The following KALRN variants were observed in gnomAD, a reference collection of about 807,000 sequenced individuals.
KALRN encodes kalirin.
Under a neutral mutation model 353.7 loss-of-function variants are expected in KALRN, and 70 were observed. The observed-to-expected ratio is 0.20, with a 90% CI of 0.16 to 0.24. The LOEUF is 0.24. Among genes scored for constraint, KALRN ranks in the 10% least tolerant of loss-of-function variants. KALRN has a pLI of 1.00. For missense variants in KALRN, 2,791 were observed against 3,756.7 expected (o/e 0.74, Z 6.72); for synonymous variants, 1,391 against 1,434.8 (o/e 0.97, Z 0.69).
intron 1 of KALRN, among the ~76,000 whole-genome samples, chr3:124,134,910 A>C (rs1037233746): frequency 6.6e-6 from 1 of 152,228 alleles, no homozygotes; most frequent in South Asian, 2.1e-4. Flanking sequence ...ATCAGGGAAC[A>C]CTTCTACACT....
At chr3:124,146,874 CAAAAAAAAAA>C (rs34633708) in intron 1 of KALRN, among the ~76,000 whole-genome samples, 1 of 49,924 alleles carries the variant, frequency 2.0e-5, no homozygotes, top group African/African-American at 7.9e-5. Flanking sequence ...GACTCTGTCT[CAAAAAAAAAA>C]AAAAAAAAAA....
At position 124,439,188 on chromosome 3, in the gene KALRN, T is replaced by TCACACACACACACACACA. The variant is rs1491329331; in HGVS notation, c.3198+152_3198+153insACACACACACACACACAC. ...TTCTCCTCCTCCTCCTTCTTCTCCT[T>TCACACACACACACACACA]CTCTCTCTCTCTCACACACACACAC... is the stretch of plus-strand genomic sequence containing the variant. On this transcript the variant is annotated intron_variant, in intron 18 of 59. Coordinates refer to ENST00000682506, the MANE Select transcript of KALRN (RefSeq NM_001388419.1). 254 of 363,280 alleles carry TCACACACACACACACACA rather than the reference T, an allele frequency of 7.0e-4. 6 individuals carry two copies. The highest frequency in any genetic ancestry group is 4.2e-3 in the East Asian group (71 of 16,948). 22.5% of individuals were successfully genotyped at this position (363,280 alleles called of 1,614,324 possible).
In KALRN at chr3:124,725,692, GA is replaced by G. The variant is rs1204371982; in HGVS notation, c.*6225del. On this transcript the variant is annotated 3_prime_UTR_variant, in exon 60 of 60. Transcript: ENST00000682506. Reference sequence around the variant, plus strand: ...CCACAAAGCCAAACTAACAAAGTGTGAAACATAAAGGGGCCATCATTTAGTT... The same window carrying G: ...CCACAAAGCCAAACTAACAAAGTGTGAACATAAAGGGGCCATCATTTAGTT... 1 of 152,218 alleles carries G rather than the reference GA, an allele frequency of 6.6e-6. No individual in the cohort carries two copies. Among genetic ancestry groups the G allele is most frequent in the East Asian group, 1.9e-4 (1 of 5,200 alleles). 9.4% of individuals were successfully genotyped at this position (152,218 alleles called of 1,614,324 possible). A position where few individuals can be genotyped will look rare whatever the true frequency, so the allele number is the denominator to read the frequency against.
At chr3:124,668,611 A>G (rs2085975475) in intron 47 of KALRN, among the ~76,000 whole-genome samples, 2 of 152,258 alleles carry the variant, frequency 1.3e-5, no homozygotes, top group Non-Finnish European at 2.9e-5. Context: ...GCAATTTTGC[A>G]CTTACAGAAA....
At chr3:124,281,478 G>A (rs1460157761) in intron 5 of KALRN, among the ~76,000 whole-genome samples, 1 of 152,186 alleles carries the variant, frequency 6.6e-6, no homozygotes, top group Non-Finnish European at 1.5e-5. Flanking sequence ...ATCCCTCAGG[G>A]CATTCTCTTC....
chr3:124,227,952 C>A, intron 1 of KALRN, 38 bp from the exon 2 acceptor site: 1 of 1,555,020 alleles, frequency 6.4e-7, no homozygotes, highest in Non-Finnish European at 8.9e-7. Flanking sequence ...CCAGCTGGCT[C>A]CTCTCACCCT....
In KALRN at chr3:124,632,741, G is replaced by A. The variant is rs1256033488; in HGVS notation, c.5466+38G>A. The A allele has an allele frequency of 5.7e-6, 9 of 1,580,132 alleles. No individual in the cohort carries two copies. In the South Asian group the frequency reaches 9.1e-5, roughly 16 times the overall value. ...GGCCCTGGAGTTGTCCATCAGGAGG[G>A]CCTTCTGACATGTCTCCTTCCTCAG... is the stretch of plus-strand genomic sequence containing the variant. On this transcript the variant is annotated intron_variant, in intron 35 of 59. Transcript: ENST00000682506.
rs1196998968 is a variant in KALRN, at chr3:124,678,218, A to G, written c.7222A>G (p.Met2408Val). The G allele has an allele frequency of 1.5e-5, 25 of 1,613,926 alleles. No individual in the cohort carries two copies. Among genetic ancestry groups the G allele is most frequent in the Non-Finnish European group, 2.0e-5 (24 of 1,179,940 alleles). The part of the protein sequence containing the change: ...KKSCSWHTLR[M>V]RKRAEVENTG... ...GTCATGTTCATGGCATACTCTACGC[A>G]TGAGAAAGCGGGCGGAAGTGGAGAA... The change falls in exon 50 of 60, where the codon ATG (methionine) becomes GTG (valine). Residue 2408 changes from methionine to valine, a missense_variant. Met to Val is a conservative substitution (Grantham distance 21). This residue lies in a region of KALRN where 1,065 missense variants were observed against 1,156.4 expected (regional missense o/e 0.92). Coordinates refer to ENST00000682506, the MANE Select transcript of KALRN (RefSeq NM_001388419.1).
At chr3:124,516,249 G>A (rs1350325892) in intron 33 of KALRN, among the ~76,000 whole-genome samples, 1 of 152,128 alleles carries the variant, frequency 6.6e-6, no homozygotes, top group Non-Finnish European at 1.5e-5. Flanking sequence ...CTTTAGAAGA[G>A]GCAACATGTA....
At chr3:124,327,893 C>T (rs931586081) in intron 7 of KALRN, among the ~76,000 whole-genome samples, 8 of 152,184 alleles carry the variant, frequency 5.3e-5, no homozygotes, top group African/African-American at 1.9e-4. Context: ...CCAGCTCCAC[C>T]ATTCATTCAC....
intron 3 of KALRN, among the ~76,000 whole-genome samples, chr3:124,237,865 G>A (rs1031156): frequency 0.16 from 23,829 of 152,028 alleles, 3,057 homozygotes; most frequent in East Asian, 0.56. Context: ...GCATTGTAGC[G>A]TAGGAGATGA....
chr3:124,434,661 G>C, intron 17 of KALRN, 136 bp downstream of exon 17: 1 of 731,546 alleles, frequency 1.4e-6, no homozygotes, highest in East Asian at 2.7e-5. Context: ...AATAGTTTGT[G>C]GAAACACCAC....
intron 33 of KALRN, among the ~76,000 whole-genome samples, chr3:124,555,789 G>A (rs2071173009): frequency 6.6e-6 from 1 of 152,152 alleles, no homozygotes; most frequent in Admixed American, 6.5e-5. Flanking sequence ...TGTGTGCCAG[G>A]CATTGCTCTA....
At chr3:124,144,293 C>G (rs2067005956) in intron 1 of KALRN, among the ~76,000 whole-genome samples, 1 of 152,124 alleles carries the variant, frequency 6.6e-6, no homozygotes, top group Non-Finnish European at 1.5e-5. Flanking sequence ...AGATCAGAAC[C>G]TGGGGCAGCC....
At chr3:124,611,616 A>G (rs930883564) in intron 34 of KALRN, among the ~76,000 whole-genome samples, 1 of 152,214 alleles carries the variant, frequency 6.6e-6, no homozygotes, top group Non-Finnish European at 1.5e-5. Flanking sequence ...AAGATTGTCA[A>G]TGAAAATGAA....
intron 15 of KALRN, among the ~76,000 whole-genome samples, chr3:124,428,686 A>G (rs1305707626): frequency 6.6e-6 from 1 of 152,210 alleles, no homozygotes; most frequent in African/African-American, 2.4e-5. Context: ...ACCTTTTTAA[A>G]CAGCATTTAG....
chr3:124,383,101 G>A (rs2087658884), intron 10 of KALRN, among the ~76,000 whole-genome samples: 1 of 152,118 alleles, frequency 6.6e-6, no homozygotes, highest in South Asian at 2.1e-4. Context: ...TTTTCAACCC[G>A]GTCTCACCAG....
rs1188013423 is a variant in KALRN, at chr3:124,492,736, C to T, written c.4690-4C>T. 2 of 1,613,728 alleles carry T rather than the reference C, an allele frequency of 1.2e-6. No homozygotes were observed. Among genetic ancestry groups the T allele is most frequent in the East Asian group, 2.2e-5 (1 of 44,870 alleles). On this transcript the variant is annotated splice_polypyrimidine_tract_variant and splice_region_variant and intron_variant, in intron 31 of 59. Transcript: ENST00000682506. ...TCTCAGTCTTTCTCCCTGTGGCACT[C>T]TAGGCCTCCAACATTGAAACCAAGC...
chr3:124,480,528 T>C (rs942019618), intron 27 of KALRN, among the ~76,000 whole-genome samples: 6 of 152,228 alleles, frequency 3.9e-5, no homozygotes, highest in African/African-American at 1.4e-4. Context: ...TACTTTAAAA[T>C]AACAGCTTTA....
Sources: gnomAD v4.1 joint callset for allele counts (sites outside exome capture counted in the v4.1 genomes callset) on GRCh38, gnomAD v4.1.1 for gene constraint, gnomAD v4.1.1 regional missense constraint, MANE v1.5 for transcripts, NCBI Gene and HGNC (gene_info 2026-07-23, HGNC 2026-07-21) for gene names.